Variants in SLC5A3 observed in about 807,000 individuals in gnomAD.
SLC5A3 encodes the protein sodium/myo-inositol cotransporter.
Under a neutral mutation model 43.2 loss-of-function variants are expected in SLC5A3, and 10 were observed. That is an observed-to-expected ratio of 0.23 (90% CI 0.14 to 0.39). The LOEUF is 0.39. SLC5A3 is among the 10% of genes least tolerant of loss of function. The probability of loss-of-function intolerance (pLI) is 1.00; values close to 1 mark genes in which losing one functional copy is unlikely to be tolerated. For missense variants in SLC5A3, 608 were observed against 893.4 expected, an observed-to-expected ratio of 0.68 and a Z score of 4.07; for synonymous variants, 349 against 322.0, an observed-to-expected ratio of 1.08 and a Z score of -0.90.
chr21:34,074,673 G>T (rs76333444), intron 1 of SLC5A3, among the ~76,000 whole-genome samples: 1 of 151,596 alleles, frequency 6.6e-6, no homozygotes, highest in Non-Finnish European at 1.5e-5. Flanking sequence ...TTGGTGTTAT[G>T]TTTTTTTTTC....
At position 34,095,168 on chromosome 21, in the gene SLC5A3, A is replaced by C. The variant is rs1216355160; in HGVS notation, c.-31A>C. ...AAATAAAAAGTTGGACACTTCTGTCATTGGAGCGCTATTATTCACAAGTTA... is the reference window on the plus strand; with the variant it reads ...AAATAAAAAGTTGGACACTTCTGTCCTTGGAGCGCTATTATTCACAAGTTA... On this transcript the variant is annotated 5_prime_UTR_variant, in exon 2 of 2. Transcript: ENST00000381151. 1 of 1,409,348 alleles carries C rather than the reference A, an allele frequency of 7.1e-7. No homozygotes were observed. Among genetic ancestry groups the C allele is most frequent in the Admixed American group, 2.8e-5 (1 of 35,774 alleles). 87.3% of individuals were successfully genotyped at this position (1,409,348 alleles called of 1,614,324 possible). A position where few individuals can be genotyped will look rare whatever the true frequency, so the allele number is the denominator to read the frequency against.
Position 34,102,503 on chromosome 21 carries a change from A to G in SLC5A3, c.*5148A>G. On this transcript the variant is annotated 3_prime_UTR_variant, in exon 2 of 2. Coordinates refer to ENST00000381151, the MANE Select transcript of SLC5A3 (RefSeq NM_006933.7). ...GGCATATATAGTCTTTCACTCAGAA[A>G]TAAACAAAAACTGTTTGGTATATCT... The G allele has an allele frequency of 1.0e-6, 1 of 1,000,214 alleles. No homozygotes were observed. Among genetic ancestry groups the G allele is most frequent in the Non-Finnish European group, 1.2e-6 (1 of 829,922 alleles). The allele number at this position is 1,000,214 out of a possible 1,614,324, so 62.0% of individuals were successfully genotyped here. A position where few individuals can be genotyped will look rare whatever the true frequency, so the allele number is the denominator to read the frequency against.
intron 1 of SLC5A3, among the ~76,000 whole-genome samples, chr21:34,086,844 C>T (rs538121490): frequency 4.1e-4 from 57 of 137,482 alleles, no homozygotes; most frequent in Non-Finnish European, 7.9e-4. Flanking sequence ...GAGGATTCTT[C>T]ATGAGTTGAC....
At chr21:34,076,324 A>G (rs1345835202) in intron 1 of SLC5A3, among the ~76,000 whole-genome samples, 2 of 152,140 alleles carry the variant, frequency 1.3e-5, no homozygotes, top group Non-Finnish European at 2.9e-5. Context: ...TGAGCTTGCA[A>G]AGTTTTAAAA....
Position 34,097,026 on chromosome 21 carries a change from A to G in SLC5A3, c.1828A>G (p.Arg610Gly), listed in dbSNP as rs1181529417. 6.8e-6 allele frequency: 11 copies of G among 1,614,122 alleles called. No homozygotes were observed. The highest frequency in any genetic ancestry group is 7.6e-6 in the Non-Finnish European group (9 of 1,179,986). Residue 610 changes from arginine to glycine, a missense_variant, in exon 2 of 2, where the codon AGA becomes GGA. By Grantham distance (125) the Arg-to-Gly change is moderately radical (BLOSUM62 -2). Transcript: ENST00000381151. The stretch of plus-strand genomic sequence containing the variant: ...AGATGTTAATCTGTTGGTAACCTGC[A>G]GAGAGGAGGGCAACCCAGTGGCATC... ...PEDVNLLVTC[R>G]EEGNPVASLG...
intron 1 of SLC5A3, among the ~76,000 whole-genome samples, chr21:34,093,767 G>A (rs997888312): frequency 2.0e-5 from 3 of 152,142 alleles, no homozygotes; most frequent in Non-Finnish European, 4.4e-5. Flanking sequence ...GAGAGAAGCC[G>A]TCAAATTTTA....
chr21:34,073,629 T>TC lies in SLC5A3; in HGVS notation c.-449dup, dbSNP rs1322238527. ...CGCAGCAGTTTCTAGGTCCCCACTG[T>TC]CCCCGCCGTCCCGCCCCTTCGCGTC... is the stretch of plus-strand genomic sequence containing the variant. On this transcript the variant is annotated 5_prime_UTR_variant, in exon 1 of 2. Coordinates refer to ENST00000381151, the MANE Select transcript of SLC5A3 (RefSeq NM_006933.7). 5 of 1,360,944 alleles carry TC rather than the reference T, an allele frequency of 3.7e-6. No individual in the cohort carries two copies. The East Asian group carries it at 1.1e-4, about 31-fold the overall frequency. 84.3% of individuals were successfully genotyped at this position (1,360,944 alleles called of 1,614,324 possible).
Position 34,097,271 on chromosome 21 carries a change from T to C in SLC5A3, c.2073T>C (p.Thr691=). ...EAVCLQMLEE[T]RQVKVILNIG... is the part of the protein sequence containing the mutation. The stretch of plus-strand genomic sequence containing the variant: ...TTTGTTTACAGATGCTAGAAGAGAC[T>C]CGGCAAGTTAAAGTAATACTAAATA... Residue 691 remains threonine (T), a synonymous_variant, in exon 2 of 2, where the codon ACT becomes ACC. Transcript: ENST00000381151. The C allele has an allele frequency of 1.2e-6, 2 of 1,613,924 alleles. No homozygotes were observed. Among genetic ancestry groups the C allele is most frequent in the East Asian group, 2.2e-5 (1 of 44,876 alleles).
rs1369845382 is a variant in SLC5A3 at position 34,097,821 on chromosome 21, T to C, written c.*466T>C. The C allele has an allele frequency of 1.0e-6, 1 of 998,858 alleles. No homozygotes were observed. Among genetic ancestry groups the C allele is most frequent in the Non-Finnish European group, 1.2e-6 (1 of 828,638 alleles). 61.9% of individuals were successfully genotyped at this position (998,858 alleles called of 1,614,324 possible). On this transcript the variant is annotated 3_prime_UTR_variant, in exon 2 of 2. Transcript: ENST00000381151. ...AGACATTGTACAATCAGTTATGTAC[T>C]GAAAATCGAATGTGCTTGTGTGATA... is the stretch of plus-strand genomic sequence containing the variant.
intron 1 of SLC5A3, among the ~76,000 whole-genome samples, chr21:34,074,147 C>T (rs983114669): frequency 1.3e-5 from 2 of 149,048 alleles, no homozygotes; most frequent in Non-Finnish European, 3.0e-5. Flanking sequence ...CGTGAAGCTG[C>T]CTCGTCGCCG....
intron 1 of SLC5A3, 91 bp downstream of exon 1, chr21:34,073,836 C>G (rs79607614): frequency 0.68 from 630,476 of 931,910 alleles, 217,063 homozygotes; most frequent in African/African-American, 0.73. Flanking sequence ...GCCGCGGGAC[C>G]CCGGGCCTTC....
chr21:34,076,817 C>T (rs900980075), intron 1 of SLC5A3, among the ~76,000 whole-genome samples: 2 of 152,110 alleles, frequency 1.3e-5, no homozygotes, highest in African/African-American at 4.8e-5. Context: ...ATAGAAGAGT[C>T]TCTGGAATAA....
intron 1 of SLC5A3, among the ~76,000 whole-genome samples, chr21:34,091,397 C>A (rs1978684852): frequency 6.6e-6 from 1 of 152,130 alleles, no homozygotes; most frequent in South Asian, 2.1e-4. Context: ...ATATATCCTG[C>A]TGTTTACATA....
Position 34,102,959 on chromosome 21 carries a change from T to G in SLC5A3, c.*5604T>G. 1.0e-6 allele frequency: 1 copy of G among 999,928 alleles called. No homozygotes were observed. The highest frequency in any genetic ancestry group is 1.2e-6 in the Non-Finnish European group (1 of 829,914). 61.9% of individuals were successfully genotyped at this position (999,928 alleles called of 1,614,324 possible). On this transcript the variant is annotated 3_prime_UTR_variant, in exon 2 of 2. Coordinates refer to ENST00000381151, the MANE Select transcript of SLC5A3 (RefSeq NM_006933.7). ...TTGGTAAATTCACCCTGTTTCCTAG[T>G]GCTGCTGGATAAAAGAGTGTTTACT... is the stretch of plus-strand genomic sequence containing the variant.
At chr21:34,092,064 C>T (rs1323679956) in intron 1 of SLC5A3, among the ~76,000 whole-genome samples, 4 of 151,666 alleles carry the variant, frequency 2.6e-5, no homozygotes, top group African/African-American at 9.7e-5. Flanking sequence ...ATAAGGGAAC[C>T]CTGGACAGTG....
In SLC5A3 at chr21:34,096,014, A is replaced by T. The variant is rs1260012806; in HGVS notation, c.816A>T (p.Ser272=). ...PGFILGQTPA[S]VWYWCADQVI... Reference sequence around the variant, plus strand: ...TCATTCTTGGGCAGACCCCAGCTTCAGTATGGTACTGGTGTGCTGACCAAG... The same window carrying T: ...TCATTCTTGGGCAGACCCCAGCTTCTGTATGGTACTGGTGTGCTGACCAAG... Residue 272 remains serine (S), a synonymous_variant, in exon 2 of 2, where the codon TCA becomes TCT. Coordinates refer to ENST00000381151, the MANE Select transcript of SLC5A3 (RefSeq NM_006933.7). This position sits in a 1 kb window ranked among gnomAD's most constrained non-coding sequence, Gnocchi z 5.9. 6.2e-7 allele frequency: 1 copy of T among 1,614,032 alleles called. No individual in the cohort carries two copies. The highest frequency in any genetic ancestry group is 1.3e-5 in the African/African-American group (1 of 74,922).
chr21:34,084,077 C>T (rs1351142117), intron 1 of SLC5A3, among the ~76,000 whole-genome samples: 1 of 152,152 alleles, frequency 6.6e-6, no homozygotes, highest in African/African-American at 2.4e-5. Context: ...TAATTTCTAC[C>T]AGTCCCTCCA....
chr21:34,083,157 A>AC (rs1602908917), intron 1 of SLC5A3, among the ~76,000 whole-genome samples: 2 of 152,200 alleles, frequency 1.3e-5, no homozygotes, highest in Admixed American at 1.3e-4. Flanking sequence ...AGGTGAAGAA[A>AC]CCAAGTGCAG....
At position 34,105,786 on chromosome 21, in the gene SLC5A3, G is replaced by A. The variant is rs565347835; in HGVS notation, c.*8431G>A. 1.2e-5 allele frequency: 12 copies of A among 994,714 alleles called. No homozygotes were observed. Among genetic ancestry groups the A allele is most frequent in the Non-Finnish European group, 1.3e-5 (11 of 825,152 alleles). 61.6% of individuals were successfully genotyped at this position (994,714 alleles called of 1,614,324 possible). ...TTTGACTAATTGTATCCATCTCATTGTACAGTGTTTTAGTTGCAAGCAGAA... is the reference window on the plus strand; with the variant it reads ...TTTGACTAATTGTATCCATCTCATTATACAGTGTTTTAGTTGCAAGCAGAA... On this transcript the variant is annotated 3_prime_UTR_variant, in exon 2 of 2. Transcript: ENST00000381151.
Sources: gnomAD v4.1 joint callset for allele counts (sites outside exome capture counted in the v4.1 genomes callset) on GRCh38, gnomAD v4.1.1 for gene constraint, Gnocchi (gnomAD v3.1) non-coding constraint, MANE v1.5 for transcripts, NCBI Gene and HGNC (gene_info 2026-07-23, HGNC 2026-07-21) for gene names.